The following PAMR1 variants were observed in gnomAD, a reference collection of about 807,000 sequenced individuals.
PAMR1 encodes inactive serine protease PAMR1.
In PAMR1, 88 loss-of-function variants were observed where a neutral mutation model predicts 81.8. That is an observed-to-expected ratio of 1.08 (90% CI 0.91 to 1.28). The LOEUF (loss-of-function observed/expected upper bound fraction) is 1.28. Ranked by LOEUF, PAMR1 falls within the 50% of genes most tolerant of loss-of-function variation. PAMR1 has a pLI of 0.00. For missense variants in PAMR1, 935 were observed against 919.7 expected (o/e 1.02, Z -0.21); for synonymous variants, 336 against 345.3 (o/e 0.97, Z 0.30).
intron 1 of PAMR1, among the ~76,000 whole-genome samples, chr11:35,502,910 C>A (rs543698850): frequency 6.6e-6 from 1 of 152,286 alleles, no homozygotes; most frequent in South Asian, 2.1e-4. Flanking sequence ...CCCAAAAAAT[C>A]TTTGCCCAGA....
chr11:35,476,622 T>C (rs773863730), intron 3 of PAMR1, among the ~76,000 whole-genome samples: 20 of 152,304 alleles, frequency 1.3e-4, no homozygotes, highest in Middle Eastern at 6.8e-3. Flanking sequence ...TATTTCTACA[T>C]AGCAGAGTGA....
chr11:35,434,477 A>G (rs1301220814), intron 10 of PAMR1, 35 bp downstream of exon 10: 7 of 1,590,442 alleles, frequency 4.4e-6, no homozygotes, highest in Non-Finnish European at 4.3e-6. Flanking sequence ...TTTTTGAGCC[A>G]GAGCCCCAGC....
At chr11:35,477,924 T>C (rs1243581176) in intron 3 of PAMR1, among the ~76,000 whole-genome samples, 2 of 152,174 alleles carry the variant, frequency 1.3e-5, no homozygotes. Flanking sequence ...CGCCCCCATC[T>C]ACCCATCTGC....
In PAMR1 at chr11:35,441,439, C is replaced by T. The variant is rs943615467; in HGVS notation, c.1033+42G>A. 3 of 1,466,524 alleles carry T rather than the reference C, an allele frequency of 2.0e-6. No homozygotes were observed. In the African/African-American group the frequency reaches 4.2e-5, roughly 21 times the overall value. 90.8% of individuals were successfully genotyped at this position (1,466,524 alleles called of 1,614,324 possible). On this transcript the variant is annotated intron_variant, in intron 7 of 10. Coordinates refer to ENST00000619888, the MANE Select transcript of PAMR1 (RefSeq NM_001001991.3). ...AAGGAGCTACCAAAAAGTCTAGCAA[C>T]TTCATCAATGTCCGTAGACTTCAGA...
intron 1 of PAMR1, among the ~76,000 whole-genome samples, chr11:35,516,372 T>A (rs911824195): frequency 6.6e-6 from 1 of 152,206 alleles, no homozygotes; most frequent in Non-Finnish European, 1.5e-5. Flanking sequence ...CTTACATCCA[T>A]TCTAAGAAAT....
chr11:35,529,721 C>T (rs1851436999), upstream of PAMR1, among the ~76,000 whole-genome samples: 2 of 152,168 alleles, frequency 1.3e-5, no homozygotes. Flanking sequence ...CACCTCCTAC[C>T]ACTGCTTGCT....
intron 6 of PAMR1, among the ~76,000 whole-genome samples, chr11:35,445,593 T>C (rs1472677889): frequency 6.8e-6 from 1 of 147,284 alleles, no homozygotes; most frequent in Non-Finnish European, 1.5e-5. Context: ...TATTTAATCA[T>C]GTTTTTTCAT....
intron 1 of PAMR1, among the ~76,000 whole-genome samples, chr11:35,521,491 G>A (rs1416415698): frequency 6.6e-6 from 1 of 152,144 alleles, no homozygotes; most frequent in Non-Finnish European, 1.5e-5. Flanking sequence ...AGAGGATCCA[G>A]CCTACCTCAA....
At position 35,443,238 on chromosome 11, in the gene PAMR1, C is replaced by G. The variant is rs116307850; in HGVS notation, c.821-1545G>C. ...TTTTATTAAGCTCCGGATACAGGTG[C>G]AGGATGTTCAGGTTTCTTACATAGG... is the stretch of plus-strand genomic sequence containing the variant. On this transcript the variant is annotated intron_variant, in intron 6 of 10. Transcript: ENST00000619888. 3.5e-3 allele frequency among the ~76,000 whole-genome samples: 524 copies of G among 151,750 alleles called. 2 individuals carry two copies. The highest frequency in any genetic ancestry group is 0.012 in the African/African-American group (497 of 41,314).
Position 35,432,622 on chromosome 11 carries a change from G to C in PAMR1, c.1897C>G (p.Gln633Glu), listed in dbSNP as rs1255401152. 6.2e-7 allele frequency: 1 copy of C among 1,614,074 alleles called. No individual in the cohort carries two copies. Among genetic ancestry groups the C allele is most frequent in the Middle Eastern group, 1.6e-4 (1 of 6,062 alleles). Residue 633 changes from glutamine (Q) to glutamate (E), a missense_variant, in exon 11 of 11, where the codon CAG (glutamine) becomes GAG (glutamate). Gln to Glu is a conservative substitution (Grantham distance 29, BLOSUM62 2). Coordinates refer to ENST00000619888, the MANE Select transcript of PAMR1 (RefSeq NM_001001991.3). Reference protein sequence around the residue: ...SVVDSLLCEEQHEDHGIPVSV... With the variant: ...SVVDSLLCEEEHEDHGIPVSV... ...ACTGGGATGCCATGGTCCTCATGCT[G>C]CTCCTCACACAGCAGCGAGTCCACC...
chr11:35,457,509 C>T (rs1158769686), intron 6 of PAMR1, among the ~76,000 whole-genome samples: 1 of 152,112 alleles, frequency 6.6e-6, no homozygotes, highest in Non-Finnish European at 1.5e-5. Context: ...TGTGTATACA[C>T]ATATTTATAT....
upstream of PAMR1, among the ~76,000 whole-genome samples, chr11:35,529,411 G>A (rs1304457331): frequency 6.6e-6 from 1 of 152,212 alleles, no homozygotes; most frequent in Non-Finnish European, 1.5e-5. Context: ...AAACTGCACA[G>A]TGGACATTTG....
chr11:35,502,597 T>C (rs1220591330), intron 1 of PAMR1, among the ~76,000 whole-genome samples: 2 of 152,216 alleles, frequency 1.3e-5, no homozygotes, highest in Non-Finnish European at 2.9e-5. Context: ...ATCTCGTTCC[T>C]TGTTATGGCT....
chr11:35,458,182 C>T (rs1022012775), intron 6 of PAMR1, among the ~76,000 whole-genome samples: 1 of 152,078 alleles, frequency 6.6e-6, no homozygotes, highest in African/African-American at 2.4e-5. Flanking sequence ...AAGTGAACAA[C>T]ATTTTCTCAG....
chr11:35,516,988 C>T lies in PAMR1; in HGVS notation c.73+8525G>A, dbSNP rs1206835383. On this transcript the variant is annotated intron_variant, in intron 1 of 10. Transcript: ENST00000619888. Reference sequence around the variant, plus strand: ...AGGTGGGAGAAGGGAGTGATTAGACCCTAGACTTAATGTCCCAGGGATTAG... The same window carrying T: ...AGGTGGGAGAAGGGAGTGATTAGACTCTAGACTTAATGTCCCAGGGATTAG... Among the ~76,000 whole-genome samples, 4 of 152,016 alleles carry T rather than the reference C, an allele frequency of 2.6e-5. No homozygotes were observed. In the East Asian group the frequency reaches 7.7e-4, roughly 29 times the overall value.
chr11:35,471,301 T>A lies in PAMR1; in HGVS notation c.495-483A>T, dbSNP rs1850176228. On this transcript the variant is annotated intron_variant, in intron 4 of 10. Transcript: ENST00000619888. Reference sequence around the variant, plus strand: ...GTGTGTCTATGTGTGGCCTGTCTTCTCCACTGGCCTGCAAGTAACTTGAAG... The same window carrying A: ...GTGTGTCTATGTGTGGCCTGTCTTCACCACTGGCCTGCAAGTAACTTGAAG... Among the ~76,000 whole-genome samples the A allele has an allele frequency of 2.0e-5, 3 of 152,316 alleles. 1 individual carries two copies. In the South Asian group the frequency reaches 6.2e-4, roughly 32 times the overall value.
intron 1 of PAMR1, among the ~76,000 whole-genome samples, chr11:35,510,549 C>A (rs1350028643): frequency 1.4e-5 from 2 of 139,836 alleles, no homozygotes; most frequent in African/African-American, 5.3e-5. Context: ...GAAGGAAAGT[C>A]TAAATAAGGA....
At chr11:35,486,350 C>A (rs1406734056) in intron 3 of PAMR1, among the ~76,000 whole-genome samples, 2 of 152,184 alleles carry the variant, frequency 1.3e-5, no homozygotes, top group Non-Finnish European at 2.9e-5. Flanking sequence ...TAGCATTGAC[C>A]ACATTCTATT....
rs773314273 is a variant in PAMR1 at position 35,441,702 on chromosome 11, A to G, written c.821-9T>C. Reference sequence around the variant, plus strand: ...GTTTCTTTCTTCAAGGACTAAAAGAAAGTAAAAGAAAAGGAGAATTGTTAA... The same window carrying G: ...GTTTCTTTCTTCAAGGACTAAAAGAGAGTAAAAGAAAAGGAGAATTGTTAA... On this transcript the variant is annotated splice_polypyrimidine_tract_variant and intron_variant, in intron 6 of 10. Coordinates refer to ENST00000619888, the MANE Select transcript of PAMR1 (RefSeq NM_001001991.3). The G allele has an allele frequency of 1.3e-6, 2 of 1,569,266 alleles. No individual in the cohort carries two copies. Among genetic ancestry groups the G allele is most frequent in the South Asian group, 2.4e-5 (2 of 84,954 alleles).
Sources: gnomAD v4.1 joint callset for allele counts (sites outside exome capture counted in the v4.1 genomes callset) on GRCh38, gnomAD v4.1.1 for gene constraint, MANE v1.5 for transcripts, NCBI Gene and HGNC (gene_info 2026-07-23, HGNC 2026-07-21) for gene names.